The following VPS13C variants were observed in gnomAD, a reference collection of about 807,000 sequenced individuals.
The protein encoded by VPS13C is intermembrane lipid transfer protein VPS13C.
VPS13C carries 358 observed loss-of-function variants against 456.8 expected under a neutral mutation model. That is an observed-to-expected ratio of 0.78 (90% CI 0.72 to 0.86). The LOEUF is 0.86. Ranked by LOEUF, VPS13C falls within the 40% of genes least tolerant of loss-of-function variation. The pLI, the probability that VPS13C is intolerant of heterozygous loss-of-function variation, is 0.00. For missense variants in VPS13C, 4,818 were observed against 4,385.4 expected (o/e 1.10, Z -2.79); for synonymous variants, 1,578 against 1,486.7 (o/e 1.06, Z -1.41).
At chr15:61,937,486 CTTTTT>C (rs1286489200) in intron 47 of VPS13C, among the ~76,000 whole-genome samples, 4 of 151,396 alleles carry the variant, frequency 2.6e-5, no homozygotes, top group African/African-American at 9.8e-5. Context: ...CTTTTCTTTT[CTTTTT>C]TGAGATGGAG....
intron 1 of VPS13C, among the ~76,000 whole-genome samples, chr15:62,047,425 G>C (rs1295950940): frequency 6.7e-6 from 1 of 148,470 alleles, no homozygotes. Flanking sequence ...GTGACAGCAA[G>C]ACTCCATCTC....
intron 22 of VPS13C, among the ~76,000 whole-genome samples, chr15:61,980,424 T>C (rs2045846174): frequency 6.6e-6 from 1 of 152,110 alleles, no homozygotes; most frequent in South Asian, 2.1e-4. Context: ...CCGCTTATTG[T>C]GAGAGTGTTC....
In VPS13C at chr15:61,980,183, C is replaced by CAAA. The variant is rs71125960; in HGVS notation, c.2166+1156_2166+1158dup. On this transcript the variant is annotated intron_variant, in intron 22 of 84. Coordinates refer to ENST00000644861, the MANE Select transcript of VPS13C (RefSeq NM_020821.3). ...TGGGTGACAGAGCAAGACCCCATCT[C>CAAA]AAAAAAAAAAAAAAAAAAAAAAAAA... 3.9e-3 allele frequency among the ~76,000 whole-genome samples: 175 copies of CAAA among 45,268 alleles called. 5 individuals are homozygous for CAAA. The highest frequency in any genetic ancestry group is 7.0e-3 in the East Asian group (9 of 1,278). The allele number at this position is 45,268 out of a possible 152,430, so 29.7% of individuals were successfully genotyped here. A position where few individuals can be genotyped will look rare whatever the true frequency, so the allele number is the denominator to read the frequency against.
At chr15:61,889,506 T>C (rs1320054207) in intron 67 of VPS13C, among the ~76,000 whole-genome samples, 2 of 152,144 alleles carry the variant, frequency 1.3e-5, no homozygotes, top group Non-Finnish European at 2.9e-5. Context: ...ATGTCAACCA[T>C]TCCACCCATC....
rs1596393328 is a variant in VPS13C, at chr15:61,965,527, TTTTCA to T, written c.3051+551_3051+555del. ...AGCTCTGTTTATAAAAATGAATTTCTTTTCATTTTCTCATAACACTAAATGGATAT... is the reference window on the plus strand; with the variant it reads ...AGCTCTGTTTATAAAAATGAATTTCTTTTTCTCATAACACTAAATGGATAT... On this transcript the variant is annotated intron_variant, in intron 30 of 84. Coordinates refer to ENST00000644861, the MANE Select transcript of VPS13C (RefSeq NM_020821.3). Among the ~76,000 whole-genome samples, 4 of 152,060 alleles carry T rather than the reference TTTTCA, an allele frequency of 2.6e-5. No homozygotes were observed. In the South Asian group the frequency reaches 8.3e-4, roughly 31 times the overall value.
Position 61,867,821 on chromosome 15 carries a change from G to A in VPS13C, c.10863+838C>T. 3.9e-6 allele frequency: 6 copies of A among 1,529,592 alleles called. No individual in the cohort carries two copies. The highest frequency in any genetic ancestry group is 1.7e-4 in the Middle Eastern group (1 of 5,884). The allele number at this position is 1,529,592 out of a possible 1,614,324, so 94.8% of individuals were successfully genotyped here. ...TTCAGATGGAGGTGAGAGTTTTAAA[G>A]AAAATTTCATTAAAATTGACAATGG... On this transcript the variant is annotated intron_variant, in intron 81 of 84. Transcript: ENST00000644861. The surrounding 1 kb of genome is among the most constrained non-coding windows in gnomAD (Gnocchi z 5.0).
chr15:61,881,721 CTA>C, intron 70 of VPS13C, 24 bp downstream of exon 70: 1 of 1,605,678 alleles, frequency 6.2e-7, no homozygotes, highest in South Asian at 1.1e-5. Context: ...TAAGGTATAT[CTA>C]TGTCACAACT....
At chr15:61,902,892 A>G in intron 66 of VPS13C, among the ~76,000 whole-genome samples, 1 of 152,102 alleles carries the variant, frequency 6.6e-6, no homozygotes, top group South Asian at 2.1e-4. Context: ...TTGAAAAAAA[A>G]AAAAAAGTCA....
chr15:61,949,469 T>G lies in VPS13C; in HGVS notation c.4733A>C (p.Glu1578Ala), dbSNP rs754218076. The change falls in exon 42 of 85, where the codon GAG becomes GCG. Residue 1578 changes from glutamate (E) to alanine (A), a missense_variant. By Grantham distance (107) the Glu-to-Ala change is moderately radical (BLOSUM62 -1). This residue lies in a region of VPS13C where 4,552 missense variants were observed against 4,130.6 expected (regional missense o/e 1.10). Coordinates refer to ENST00000644861, the MANE Select transcript of VPS13C (RefSeq NM_020821.3). ...KESELKPLVGESRSIAVKAVS... is the reference protein window; with the variant it reads ...KESELKPLVGASRSIAVKAVS... Reference sequence around the variant, plus strand: ...AGCTTTGACAGCGATACTTCTGGACTCCCCCACAAGTGGTTTCAGCTCGGA... The same window carrying G: ...AGCTTTGACAGCGATACTTCTGGACGCCCCCACAAGTGGTTTCAGCTCGGA... The G allele has an allele frequency of 6.2e-7, 1 of 1,613,116 alleles. No homozygotes were observed. The highest frequency in any genetic ancestry group is 8.5e-7 in the Non-Finnish European group (1 of 1,179,734).
At chr15:61,986,726 A>G (rs535434695) in intron 18 of VPS13C, among the ~76,000 whole-genome samples, 1 of 152,290 alleles carries the variant, frequency 6.6e-6, no homozygotes, top group East Asian at 1.9e-4. Flanking sequence ...GATTTTCTTA[A>G]AAATAGAAAA....
intron 82 of VPS13C, among the ~76,000 whole-genome samples, chr15:61,860,774 G>T (rs1894178049): frequency 6.6e-6 from 1 of 151,940 alleles, no homozygotes; most frequent in Admixed American, 6.6e-5. Context: ...TTATCTTTGG[G>T]TGCTGACATT....
At chr15:61,974,103 G>A (rs531726068) in intron 25 of VPS13C, among the ~76,000 whole-genome samples, 185 bp downstream of exon 25, 2 of 152,184 alleles carry the variant, frequency 1.3e-5, no homozygotes, top group Admixed American at 1.3e-4. Flanking sequence ...AGATTCTAAA[G>A]AAGGTTTTTG....
intron 16 of VPS13C, among the ~76,000 whole-genome samples, chr15:61,996,994 C>CATATATATAT (rs956530930): frequency 4.9e-5 from 7 of 142,354 alleles, no homozygotes; most frequent in African/African-American, 1.9e-4. Context: ...ATTTTACATA[C>CATATATATAT]ATACATATAT....
At chr15:61,955,175 A>G (rs1422079029) in intron 37 of VPS13C, among the ~76,000 whole-genome samples, 1 of 152,204 alleles carries the variant, frequency 6.6e-6, no homozygotes, top group Non-Finnish European at 1.5e-5. Flanking sequence ...AACAACAGCT[A>G]TCACTTGCTA....
intron 16 of VPS13C, among the ~76,000 whole-genome samples, 190 bp downstream of exon 16, chr15:62,000,374 T>C (rs563336524): frequency 6.6e-6 from 1 of 151,784 alleles, no homozygotes; most frequent in African/African-American, 2.4e-5. Context: ...CAAAAAAAAA[T>C]AATAATAAAA....
At chr15:61,855,000 GA>G (rs201233802) in intron 83 of VPS13C, 46 bp from the exon 84 acceptor site, 4 of 1,519,776 alleles carry the variant, frequency 2.6e-6, no homozygotes, top group East Asian at 4.6e-5. Context: ...TTCTGAGGAA[GA>G]AAAAAATTCC....
In VPS13C at chr15:61,922,492, G is replaced by A. The variant is rs756128065; in HGVS notation, c.6880C>T (p.Arg2294Ter). Residue 2294 changes from arginine to a stop codon, truncating the protein, a stop_gained, in exon 54 of 85, where the codon CGA becomes TGA. Transcript: ENST00000644861. LOFTEE classifies it high-confidence loss of function. Reference protein sequence around the residue: ...QVTLECGLGHRTVPLLLAESK... With the variant: ...QVTLECGLGH ...TCTGCCAATAATAAAGGTACAGTTC[G>A]ATGTCCAAGGCCACATTCTAAGGTA... 4.3e-6 allele frequency: 7 copies of A among 1,613,828 alleles called. No homozygotes were observed. Among genetic ancestry groups the A allele is most frequent in the Middle Eastern group, 1.6e-4 (1 of 6,084 alleles).
At chr15:61,951,073 CA>C (rs2044774487) in intron 39 of VPS13C, 49 bp from the exon 40 acceptor site, 1 of 1,254,894 alleles carries the variant, frequency 8.0e-7, no homozygotes, top group Non-Finnish European at 1.1e-6. Context: ...ACATTTCACA[CA>C]TTTTAAAACA....
intron 1 of VPS13C, among the ~76,000 whole-genome samples, chr15:62,059,012 T>C (rs1443282011): frequency 6.6e-6 from 1 of 151,284 alleles, no homozygotes; most frequent in Non-Finnish European, 1.5e-5. Flanking sequence ...ATGTTCCATA[T>C]ACGTAATTAT....
Sources: gnomAD v4.1 joint callset for allele counts (sites outside exome capture counted in the v4.1 genomes callset) on GRCh38, gnomAD v4.1.1 for gene constraint, gnomAD v4.1.1 regional missense constraint, Gnocchi (gnomAD v3.1) non-coding constraint, MANE v1.5 for transcripts, NCBI Gene and HGNC (gene_info 2026-07-23, HGNC 2026-07-21) for gene names.